Variants in UGT2B10 observed in about 807,000 individuals in gnomAD.
The protein encoded by UGT2B10 is UDP-glucuronosyltransferase 2B10.
UGT2B10 carries 51 observed loss-of-function variants against 43.7 expected under a neutral mutation model. That is an observed-to-expected ratio of 1.17 (90% CI 0.93 to 1.47). The LOEUF is 1.47. Among genes scored for constraint, UGT2B10 ranks in the 40% most tolerant of loss-of-function variants. UGT2B10 has a pLI of 0.00. For synonymous variants in UGT2B10, 225 were observed against 209.0 expected (o/e 1.08, Z -0.66); for missense variants, 696 against 617.7 (o/e 1.13, Z -1.34).
intron 3 of UGT2B10, among the ~76,000 whole-genome samples, chr4:68,825,684 G>T (rs1017400069): frequency 2.0e-5 from 3 of 151,840 alleles, no homozygotes; most frequent in African/African-American, 7.3e-5. Context: ...TCTTTTTATG[G>T]CTGCATAATA....
At chr4:68,827,292 C>T (rs1302866866) in intron 4 of UGT2B10, 37 bp from the exon 5 acceptor site, 1 of 1,611,534 alleles carries the variant, frequency 6.2e-7, no homozygotes, top group Non-Finnish European at 8.5e-7. Flanking sequence ...TCATTTTATT[C>T]CTATGAATAA....
chr4:68,825,803 G>C (rs11726322), intron 3 of UGT2B10, among the ~76,000 whole-genome samples: 22,799 of 151,982 alleles, frequency 0.15, 1,947 homozygotes, highest in African/African-American at 0.23. Flanking sequence ...CTAACATATA[G>C]TTTCATGGAT....
At chr4:68,827,828 A>G (rs1262309433) in intron 5 of UGT2B10, among the ~76,000 whole-genome samples, 2 of 151,952 alleles carry the variant, frequency 1.3e-5, no homozygotes, top group Non-Finnish European at 2.9e-5. Flanking sequence ...AAAATTTGAC[A>G]TAATGAATCC....
rs766039998 is a variant in UGT2B10 at position 68,816,089 on chromosome 4, A to G, written c.70A>G (p.Lys24Glu). ...TTACTTTAGCTCTGGGAGTTGTGGA[A>G]AGGTGCTGGTATGGGCCGCAGAATA... is the stretch of plus-strand genomic sequence containing the variant. ...SFYFSSGSCGKVLVWAAEYSL... is the reference protein window; with the variant it reads ...SFYFSSGSCGEVLVWAAEYSL... The change falls in exon 1 of 6, where the codon AAG becomes GAG. Residue 24 changes from lysine (K) to glutamate (E), a missense_variant. Physicochemically the swap from Lys to Glu is moderately conservative, Grantham distance 56. Coordinates refer to ENST00000265403, the MANE Select transcript of UGT2B10 (RefSeq NM_001075.6). The G allele has an allele frequency of 6.2e-7, 1 of 1,613,180 alleles. No homozygotes were observed. The highest frequency in any genetic ancestry group is 8.5e-7 in the Non-Finnish European group (1 of 1,179,370).
At chr4:68,828,731 T>C (rs1737928148) in intron 5 of UGT2B10, among the ~76,000 whole-genome samples, 1 of 151,954 alleles carries the variant, frequency 6.6e-6, no homozygotes, top group Non-Finnish European at 1.5e-5. Context: ...CATATATGTA[T>C]CGTATATATC....
chr4:68,827,630 T>C (rs1472295639), intron 5 of UGT2B10, 82 bp downstream of exon 5: 2 of 1,553,760 alleles, frequency 1.3e-6, no homozygotes, highest in African/African-American at 2.8e-5. Flanking sequence ...TCATCCTTTT[T>C]ATAAGAGAGT....
chr4:68,822,304 A>T lies in UGT2B10; in HGVS notation c.901A>T (p.Asn301Tyr), dbSNP rs782456563. The T allele has an allele frequency of 8.7e-6, 14 of 1,613,022 alleles. No homozygotes were observed. The highest frequency in any genetic ancestry group is 2.2e-5 in the East Asian group (1 of 44,836). ...GGAGTTTGTACAGAGCTCTGGAGAA[A>T]ATGGTGTTGTGGTGTTTTCTCTGGG... ...MEEFVQSSGENGVVVFSLGSM... is the reference protein window; with the variant it reads ...MEEFVQSSGEYGVVVFSLGSM... The change falls in exon 3 of 6, where the codon AAT (asparagine) becomes TAT (tyrosine). Residue 301 changes from asparagine to tyrosine, a missense_variant. Coordinates refer to ENST00000265403, the MANE Select transcript of UGT2B10 (RefSeq NM_001075.6).
At chr4:68,818,648 A>G (rs758432459) in intron 2 of UGT2B10, among the ~76,000 whole-genome samples, 1 of 151,846 alleles carries the variant, frequency 6.6e-6, no homozygotes, top group Non-Finnish European at 1.5e-5. Context: ...AGAAAGCATC[A>G]GTGGAGATAA....
chr4:68,831,124 G>T lies in UGT2B10; in HGVS notation c.*245G>T. The T allele has an allele frequency of 2.0e-6, 1 of 493,060 alleles. No individual in the cohort carries two copies. The highest frequency in any genetic ancestry group is 3.4e-6 in the Non-Finnish European group (1 of 291,112). The allele number at this position is 493,060 out of a possible 1,614,324, so 30.5% of individuals were successfully genotyped here. On this transcript the variant is annotated 3_prime_UTR_variant, in exon 6 of 6. Transcript: ENST00000265403. ...AAATAATATAAAGCCATATGAGCTTGTATTGAAATTTGTTGCACTTATATT... is the reference window on the plus strand; with the variant it reads ...AAATAATATAAAGCCATATGAGCTTTTATTGAAATTTGTTGCACTTATATT...
chr4:68,826,791 A>G (rs61360717), intron 4 of UGT2B10, among the ~76,000 whole-genome samples: 4,458 of 152,130 alleles, frequency 0.029, 151 homozygotes, highest in African/African-American at 0.083. Context: ...TGTTTCTACA[A>G]CTTTACACCT....
chr4:68,822,356 A>G lies in UGT2B10; in HGVS notation c.953A>G (p.Glu318Gly), dbSNP rs1485583821. The G allele has an allele frequency of 1.2e-6, 2 of 1,613,808 alleles. No individual in the cohort carries two copies. Among genetic ancestry groups the G allele is most frequent in the Non-Finnish European group, 1.7e-6 (2 of 1,179,832 alleles). ...LGSMVSNMTE[E>G]RANVIATALA... ...TCAATGGTCAGTAACATGACAGAAG[A>G]AAGGGCCAACGTAATTGCAACAGCC... Residue 318 changes from glutamate (E) to glycine (G), a missense_variant, in exon 3 of 6, where the codon GAA (glutamate) becomes GGA (glycine). Coordinates refer to ENST00000265403, the MANE Select transcript of UGT2B10 (RefSeq NM_001075.6).
At chr4:68,824,448 A>G (rs1172001407) in intron 3 of UGT2B10, among the ~76,000 whole-genome samples, 1 of 152,170 alleles carries the variant, frequency 6.6e-6, no homozygotes, top group African/African-American at 2.4e-5. Flanking sequence ...TATAGGAAGG[A>G]GACAAACAGA....
intron 3 of UGT2B10, among the ~76,000 whole-genome samples, chr4:68,825,457 A>T (rs568839699): frequency 6.6e-6 from 1 of 151,848 alleles, no homozygotes; most frequent in African/African-American, 2.4e-5. Context: ...ACTAATATTC[A>T]TTTATTATTT....
rs544658123 is a variant in UGT2B10, at chr4:68,825,990, G to A, written c.1000-420G>A. ...AAGCATTCCTTTTCTATACAACCTC[G>A]CCAACATCATGATATTTTTTGAGTT... On this transcript the variant is annotated intron_variant, in intron 3 of 5. Transcript: ENST00000265403. Among the ~76,000 whole-genome samples the A allele has an allele frequency of 7.4e-4, 113 of 151,908 alleles. 3 individuals carry two copies. The highest frequency in any genetic ancestry group is 7.2e-3 in the Admixed American group (109 of 15,236).
At chr4:68,821,313 A>G (rs879895480) in intron 2 of UGT2B10, among the ~76,000 whole-genome samples, 3 of 152,182 alleles carry the variant, frequency 2.0e-5, no homozygotes, top group Non-Finnish European at 4.4e-5. Context: ...CATCTTCACC[A>G]GGAGTGTAAT....
Position 68,831,801 on chromosome 4 carries a change from G to T in UGT2B10, c.*922G>T, listed in dbSNP as rs1738110690. Among the ~76,000 whole-genome samples the T allele has an allele frequency of 6.6e-6, 1 of 151,924 alleles. No individual in the cohort carries two copies. The highest frequency in any genetic ancestry group is 6.6e-5 in the Admixed American group (1 of 15,228). Reference sequence around the variant, plus strand: ...ATTATCTCAATTTTTATTTCATTCTGTCCTAACTCTTGCAACCTGCATGTC... The same window carrying T: ...ATTATCTCAATTTTTATTTCATTCTTTCCTAACTCTTGCAACCTGCATGTC... On this transcript the variant is annotated 3_prime_UTR_variant, in exon 6 of 6. Coordinates refer to ENST00000265403, the MANE Select transcript of UGT2B10 (RefSeq NM_001075.6).
Position 68,816,362 on chromosome 4 carries a change from C to A in UGT2B10, c.343C>A (p.Leu115Met). Residue 115 changes from leucine (L) to methionine (M), a missense_variant, in exon 1 of 6, where the codon CTG becomes ATG. By Grantham distance (15) the Leu-to-Met change is conservative (BLOSUM62 2). Transcript: ENST00000265403. The part of the protein sequence containing the change: ...WLPFSQEQEI[L>M]WAINDIIRNF... Reference sequence around the variant, plus strand: ...ACCTTTTTCACAAGAACAAGAAATCCTGTGGGCAATTAATGACATAATTAG... The same window carrying A: ...ACCTTTTTCACAAGAACAAGAAATCATGTGGGCAATTAATGACATAATTAG... The A allele has an allele frequency of 4.3e-6, 7 of 1,612,912 alleles. No individual in the cohort carries two copies. The highest frequency in any genetic ancestry group is 5.9e-6 in the Non-Finnish European group (7 of 1,179,358).
At chr4:68,826,645 AAT>A in intron 4 of UGT2B10, 148 bp downstream of exon 4, 1 of 1,013,156 alleles carries the variant, frequency 9.9e-7, no homozygotes, top group Non-Finnish European at 1.4e-6. Flanking sequence ...AGGGGAAAAG[AAT>A]ATGTTATAAT....
intron 3 of UGT2B10, among the ~76,000 whole-genome samples, chr4:68,824,726 A>C (rs1319755989): frequency 6.6e-6 from 1 of 152,192 alleles, no homozygotes; most frequent in Non-Finnish European, 1.5e-5. Flanking sequence ...TAGTAACAAC[A>C]TAAAAATGTC....
Sources: allele counts gnomAD v4.1 joint callset (sites outside exome capture counted in the v4.1 genomes callset), GRCh38; gene constraint gnomAD v4.1.1; transcripts MANE v1.5; gene names NCBI Gene and HGNC (gene_info 2026-07-23, HGNC 2026-07-21).